Variants in AVEN observed in about 807,000 individuals in gnomAD.
AVEN encodes the protein apoptosis and caspase activation inhibitor.
Under a neutral mutation model 38.1 loss-of-function variants are expected in AVEN, and 41 were observed. The observed-to-expected ratio is 1.08, with a 90% confidence interval of 0.84 to 1.40. AVEN has a LOEUF of 1.40. Among genes scored for constraint, AVEN ranks in the 40% most tolerant of loss-of-function variants. AVEN has a pLI of 0.00. For missense variants in AVEN, 605 were observed against 438.8 expected, an observed-to-expected ratio of 1.38 and a Z score of -3.38; for synonymous variants, 206 against 171.8, an observed-to-expected ratio of 1.20 and a Z score of -1.56.
chr15:33,853,604 T>C, the AVEN span: 1 of 1,614,002 alleles, frequency 6.2e-7, no homozygotes, highest in African/African-American at 1.3e-5. Context: ...ATTGCTGAAC[T>C]TCTGGGTTTG....
intron 11 of AVEN, chr15:33,860,558 T>G: frequency 7.3e-7 from 1 of 1,363,532 alleles, no homozygotes. Flanking sequence ...CCTGAACCAC[T>G]ACACAGATTG....
chr15:34,038,931 C>T lies in AVEN; in HGVS notation c.116G>A (p.Gly39Asp), dbSNP rs918371106. The T allele has an allele frequency of 9.6e-7, 1 of 1,042,788 alleles. No individual in the cohort carries two copies. The highest frequency in any genetic ancestry group is 1.2e-6 in the Non-Finnish European group (1 of 856,998). The allele number at this position is 1,042,788 out of a possible 1,614,324, so 64.6% of individuals were successfully genotyped here. Residue 39 changes from glycine to aspartate, a missense_variant, in exon 1 of 6, where the codon GGC becomes GAC. Gly to Asp is a moderately conservative substitution (Grantham distance 94, BLOSUM62 -1). Transcript: ENST00000306730. The part of the protein sequence containing the change: ...PGAAAAVARG[G>D]GGGGGGDGGG... ...TCCGTCCCCGCCGCCGCCTCCGCCG[C>T]CGCCTCTGGCTACCGCCGCTGCGGC... is the stretch of plus-strand genomic sequence containing the variant.
intron 2 of AVEN, among the ~76,000 whole-genome samples, chr15:33,888,836 C>G (rs1343765484): frequency 1.3e-5 from 2 of 152,028 alleles, no homozygotes; most frequent in East Asian, 3.9e-4. Context: ...CTACAACCTC[C>G]GACTCCCTGG....
At chr15:33,967,630 AT>A (rs1291777686) in intron 2 of AVEN, among the ~76,000 whole-genome samples, 1 of 151,968 alleles carries the variant, frequency 6.6e-6, no homozygotes, top group Non-Finnish European at 1.5e-5. Context: ...AAAACATTAT[AT>A]TGTCTAGATA....
chr15:33,885,445 C>T (rs1335706629), intron 2 of AVEN, among the ~76,000 whole-genome samples: 1 of 152,060 alleles, frequency 6.6e-6, no homozygotes, highest in Non-Finnish European at 1.5e-5. Flanking sequence ...ATGTGATGTC[C>T]TTCACCTCAA....
intron 1 of AVEN, among the ~76,000 whole-genome samples, chr15:34,023,946 G>A (rs1408178351): frequency 6.6e-6 from 1 of 152,174 alleles, no homozygotes; most frequent in African/African-American, 2.4e-5. Flanking sequence ...GGAGCCCAGA[G>A]AGTGGATTTG....
intron 5 of AVEN, among the ~76,000 whole-genome samples, chr15:34,050,962 G>T (rs1298815121): frequency 6.6e-6 from 1 of 152,098 alleles, no homozygotes; most frequent in Non-Finnish European, 1.5e-5. Flanking sequence ...AATTAACAAT[G>T]ATATTCAGGA....
intron 2 of AVEN, among the ~76,000 whole-genome samples, chr15:33,974,530 T>C (rs1895787840): frequency 6.6e-6 from 1 of 152,174 alleles, no homozygotes; most frequent in South Asian, 2.1e-4. Context: ...AGCAGAGTGT[T>C]GAAGTAGGCC....
intron 1 of AVEN, among the ~76,000 whole-genome samples, chr15:34,013,349 A>T (rs1454453224): frequency 6.6e-6 from 1 of 152,250 alleles, no homozygotes; most frequent in Non-Finnish European, 1.5e-5. Flanking sequence ...AGTGTGAGCC[A>T]CTGGGCCTGG....
intron 2 of AVEN, among the ~76,000 whole-genome samples, chr15:33,996,485 G>A (rs995928116): frequency 6.6e-6 from 1 of 152,212 alleles, no homozygotes; most frequent in African/African-American, 2.4e-5. Context: ...GCTTCCAGAG[G>A]AAGGATCAGG....
intron 2 of AVEN, among the ~76,000 whole-genome samples, chr15:33,943,698 G>A (rs1371812837): frequency 6.6e-6 from 1 of 151,982 alleles, no homozygotes; most frequent in Non-Finnish European, 1.5e-5. Context: ...GGTGGCGCAC[G>A]CCTATAATCC....
chr15:33,907,788 TAA>T (rs796352918), intron 2 of AVEN, among the ~76,000 whole-genome samples: 21 of 107,690 alleles, frequency 2.0e-4, no homozygotes, highest in East Asian at 2.8e-4. Flanking sequence ...TTCCCAGCAC[TAA>T]AAAAAAAAAA....
chr15:33,931,834 T>C (rs1412041922), intron 2 of AVEN, among the ~76,000 whole-genome samples: 1 of 152,144 alleles, frequency 6.6e-6, no homozygotes, highest in Admixed American at 6.5e-5. Context: ...TTCTCACAGC[T>C]AGAAGTATAG....
intron 11 of AVEN, among the ~76,000 whole-genome samples, chr15:33,859,887 T>C (rs2080143437): frequency 6.6e-6 from 1 of 152,156 alleles, no homozygotes; most frequent in South Asian, 2.1e-4. Context: ...ACCTGAGGCT[T>C]TGGCTATATA....
intron 1 of AVEN, among the ~76,000 whole-genome samples, chr15:34,033,704 T>C (rs564913157): frequency 5.3e-5 from 8 of 152,314 alleles, no homozygotes; most frequent in African/African-American, 1.9e-4. Context: ...TGAATAAGGT[T>C]CTGTGGGAGA....
chr15:33,936,535 C>T (rs965804539), intron 2 of AVEN, among the ~76,000 whole-genome samples: 1 of 152,004 alleles, frequency 6.6e-6, no homozygotes, highest in Non-Finnish European at 1.5e-5. Flanking sequence ...GCTGAGAAAA[C>T]ACAATATTGT....
At chr15:33,869,213 G>T (rs929720261) in intron 4 of AVEN, among the ~76,000 whole-genome samples, 10 of 152,142 alleles carry the variant, frequency 6.6e-5, no homozygotes, top group Non-Finnish European at 1.3e-4. Flanking sequence ...GTCTGGCCTT[G>T]TTTTTGTTTG....
intron 1 of AVEN, among the ~76,000 whole-genome samples, chr15:34,033,777 A>T (rs1482168923): frequency 6.6e-6 from 1 of 152,062 alleles, no homozygotes; most frequent in Non-Finnish European, 1.5e-5. Flanking sequence ...ACTACTAAAG[A>T]GTTGGGTTTT....
chr15:34,010,041 G>A (rs1158327895), intron 1 of AVEN, among the ~76,000 whole-genome samples: 1 of 151,854 alleles, frequency 6.6e-6, no homozygotes, highest in African/African-American at 2.4e-5. Context: ...AATATATGAA[G>A]CAAAAACTGA....
Sources: gnomAD v4.1 joint callset for allele counts (sites outside exome capture counted in the v4.1 genomes callset) on GRCh38, gnomAD v4.1.1 for gene constraint, MANE v1.5 for transcripts, NCBI Gene and HGNC (gene_info 2026-07-23, HGNC 2026-07-21) for gene names.